SHANK2: variants seen among roughly 807,000 people sequenced by gnomAD.
The protein encoded by SHANK2 is SH3 and multiple ankyrin repeat domains protein 2.
SHANK2 carries 43 observed loss-of-function variants against 133.7 expected under a neutral mutation model. The observed-to-expected ratio is 0.32, with a 90% CI of 0.25 to 0.41. SHANK2 has a LOEUF of 0.41. Ranked by LOEUF, SHANK2 falls within the 10% of genes least tolerant of loss-of-function variation. The probability of loss-of-function intolerance (pLI) is 1.00; values close to 1 mark genes in which losing one functional copy is unlikely to be tolerated. For missense variants in SHANK2, 1,994 were observed against 2,235.8 expected (o/e 0.89, Z 2.18); for synonymous variants, 1,017 against 952.8 (o/e 1.07, Z -1.24).
At chr11:70,735,501 C>T (rs1223419547) in intron 14 of SHANK2, among the ~76,000 whole-genome samples, 1 of 151,988 alleles carries the variant, frequency 6.6e-6, no homozygotes, top group African/African-American at 2.4e-5. Flanking sequence ...GTCAGGAGTT[C>T]GAGGCCAGCC....
intron 2 of SHANK2, among the ~76,000 whole-genome samples, chr11:71,206,702 G>A (rs1367947367): frequency 1.3e-5 from 2 of 152,316 alleles, no homozygotes; most frequent in Non-Finnish European, 2.9e-5. Context: ...TTGCAAGGCC[G>A]AGGCAGGAGG....
At chr11:71,078,425 T>A (rs1254628410) in intron 8 of SHANK2, among the ~76,000 whole-genome samples, 1 of 152,126 alleles carries the variant, frequency 6.6e-6, no homozygotes, top group Non-Finnish European at 1.5e-5. Flanking sequence ...TTAGCAACCA[T>A]AATAGCATTA....
intron 11 of SHANK2, among the ~76,000 whole-genome samples, chr11:70,879,680 G>A (rs1949626973): frequency 6.6e-6 from 1 of 152,216 alleles, no homozygotes; most frequent in South Asian, 2.1e-4. Flanking sequence ...GAAATTCAGG[G>A]GTTGAATCCC....
At chr11:71,228,650 C>T (rs1268258700) in intron 1 of SHANK2, among the ~76,000 whole-genome samples, 5 of 152,230 alleles carry the variant, frequency 3.3e-5, no homozygotes, top group Admixed American at 6.5e-5. Flanking sequence ...CCCAGCTATT[C>T]GGGAGGCTGA....
chr11:71,080,600 T>C (rs1951285945), intron 8 of SHANK2, among the ~76,000 whole-genome samples: 1 of 151,992 alleles, frequency 6.6e-6, no homozygotes, highest in South Asian at 2.1e-4. Flanking sequence ...CCAAACAAAA[T>C]TGTTCCCAAC....
In SHANK2 at chr11:71,174,334, G is replaced by A. The variant is rs549492346; in HGVS notation, c.-12-26996C>T. Reference sequence around the variant, plus strand: ...GCGGGAGGATCATTTGAGTCCAAGAGTTTGAGACCAGCCAGACAACAGGGC... The same window carrying A: ...GCGGGAGGATCATTTGAGTCCAAGAATTTGAGACCAGCCAGACAACAGGGC... On this transcript the variant is annotated intron_variant, in intron 2 of 25. Coordinates refer to ENST00000601538, the MANE Select transcript of SHANK2 (RefSeq NM_012309.5). Among the ~76,000 whole-genome samples the A allele has an allele frequency of 7.2e-5, 11 of 152,150 alleles. No homozygotes were observed. In the East Asian group the frequency reaches 1.9e-3, roughly 27 times the overall value.
At chr11:70,599,283 C>A (rs955129105) in intron 17 of SHANK2, among the ~76,000 whole-genome samples, 15 of 152,138 alleles carry the variant, frequency 9.9e-5, no homozygotes, top group African/African-American at 3.4e-4. Context: ...TGCAGAAGCT[C>A]TTTGTGGAGA....
At chr11:70,626,951 G>A (rs1031274940) in intron 17 of SHANK2, among the ~76,000 whole-genome samples, 1 of 152,140 alleles carries the variant, frequency 6.6e-6, no homozygotes, top group Non-Finnish European at 1.5e-5. Flanking sequence ...CCGTCAGCAC[G>A]TATCTCATTT....
chr11:70,548,600 G>A (rs1190631312), intron 17 of SHANK2, among the ~76,000 whole-genome samples: 1 of 152,212 alleles, frequency 6.6e-6, no homozygotes, highest in Non-Finnish European at 1.5e-5. Flanking sequence ...TCTCCCCTAG[G>A]AGGCAGGTGT....
intron 10 of SHANK2, among the ~76,000 whole-genome samples, chr11:70,916,486 CAT>C (rs1950270523): frequency 6.6e-6 from 1 of 152,256 alleles, no homozygotes; most frequent in South Asian, 2.1e-4. Flanking sequence ...ATCAGTCACT[CAT>C]GTGTATGTGT....
chr11:70,741,472 T>C (rs1188712037), intron 14 of SHANK2, among the ~76,000 whole-genome samples: 1 of 152,182 alleles, frequency 6.6e-6, no homozygotes, highest in African/African-American at 2.4e-5. Context: ...AGGCATTGCA[T>C]AGTCACTCAT....
intron 3 of SHANK2, among the ~76,000 whole-genome samples, chr11:71,119,791 C>G (rs1235696456): frequency 6.6e-6 from 1 of 152,098 alleles, no homozygotes; most frequent in African/African-American, 2.4e-5. Flanking sequence ...TCAGACAAAT[C>G]CCAAGGTGCT....
At chr11:70,597,370 C>T (rs1554989794) in intron 17 of SHANK2, among the ~76,000 whole-genome samples, 1 of 152,106 alleles carries the variant, frequency 6.6e-6, no homozygotes, top group African/African-American at 2.4e-5. Context: ...TGGAGGAGCC[C>T]TGGGAAGGGG....
intron 14 of SHANK2, among the ~76,000 whole-genome samples, chr11:70,780,526 A>G (rs2135106640): frequency 6.6e-6 from 1 of 151,368 alleles, no homozygotes; most frequent in African/African-American, 2.4e-5. Context: ...ACCTAAATAC[A>G]TGACCCTATA....
chr11:70,795,113 C>T (rs538951130), intron 14 of SHANK2, among the ~76,000 whole-genome samples: 62 of 152,128 alleles, frequency 4.1e-4, no homozygotes, highest in Non-Finnish European at 8.4e-4. Context: ...CTTGGTGTAC[C>T]TCCTTCCATC....
rs1555072645 is a variant in SHANK2 at position 70,882,677 on chromosome 11, G to GT, written c.1174+13823dup. Among the ~76,000 whole-genome samples, 1 of 152,174 alleles carries GT rather than the reference G, an allele frequency of 6.6e-6. No homozygotes were observed. The highest frequency in any genetic ancestry group is 2.4e-5 in the African/African-American group (1 of 41,446). On this transcript the variant is annotated intron_variant, in intron 11 of 25. Coordinates refer to ENST00000601538, the MANE Select transcript of SHANK2 (RefSeq NM_012309.5). This position sits in a 1 kb window ranked among gnomAD's most constrained non-coding sequence, Gnocchi z 4.2. ...AGGAGCACAGGGGTGAGGGGTGGCG[G>GT]TGCAGGGAGAGGACGGTGATCCCCA... is the stretch of plus-strand genomic sequence containing the variant.
At chr11:71,094,063 T>A (rs951883413) in intron 7 of SHANK2, among the ~76,000 whole-genome samples, 23 of 152,104 alleles carry the variant, frequency 1.5e-4, no homozygotes, top group African/African-American at 5.3e-4. Flanking sequence ...TGGGGGGATC[T>A]ACCATGTGGC....
rs186163828 is a variant in SHANK2 at position 70,692,108 on chromosome 11, G to A, written c.1853+6580C>T. On this transcript the variant is annotated intron_variant, in intron 15 of 25. Coordinates refer to ENST00000601538, the MANE Select transcript of SHANK2 (RefSeq NM_012309.5). Reference sequence around the variant, plus strand: ...GACAGTAGACATACTCAGGGATAAAGCCTTCTTTTCAAGTCTAAGAAATAA... The same window carrying A: ...GACAGTAGACATACTCAGGGATAAAACCTTCTTTTCAAGTCTAAGAAATAA... 2.6e-5 allele frequency among the ~76,000 whole-genome samples: 4 copies of A among 152,190 alleles called. No homozygotes were observed. The East Asian group carries it at 7.7e-4, about 29-fold the overall frequency.
chr11:70,837,537 T>C (rs1555060359), intron 11 of SHANK2, among the ~76,000 whole-genome samples: 2 of 152,252 alleles, frequency 1.3e-5, no homozygotes, highest in African/African-American at 4.8e-5. Context: ...TTTTCCTTCA[T>C]TGTATTTATT....
Sources: allele counts gnomAD v4.1 joint callset (sites outside exome capture counted in the v4.1 genomes callset), GRCh38; gene constraint gnomAD v4.1.1; non-coding constraint Gnocchi (gnomAD v3.1); transcripts MANE v1.5; gene names NCBI Gene and HGNC (gene_info 2026-07-23, HGNC 2026-07-21).